The following CRLF1 variants were observed in gnomAD, a reference collection of about 807,000 sequenced individuals.
The protein encoded by CRLF1 is cytokine receptor-like factor 1.
A neutral mutation model predicts 48.9 loss-of-function variants in CRLF1; 36 were observed. That is an observed-to-expected ratio of 0.74 (90% CI 0.56 to 0.97). CRLF1 has a LOEUF of 0.97. Ranked by LOEUF, CRLF1 falls within the 50% of genes least tolerant of loss-of-function variation. The pLI, the probability that CRLF1 is intolerant of heterozygous loss-of-function variation, is 0.00. For missense variants in CRLF1, 534 were observed against 575.1 expected, an observed-to-expected ratio of 0.93 and a Z score of 0.73; for synonymous variants, 256 against 253.4, an observed-to-expected ratio of 1.01 and a Z score of -0.10.
At chr19:18,605,921 C>G (rs12462549) in intron 1 of CRLF1, among the ~76,000 whole-genome samples, 1 of 152,118 alleles carries the variant, frequency 6.6e-6, no homozygotes, top group Non-Finnish European at 1.5e-5. Context: ...GCTCTCCGCC[C>G]GACGCAGCCT....
In CRLF1 at chr19:18,596,781, C is replaced by T. The variant is rs757317728; in HGVS notation, c.865G>A (p.Asp289Asn). The T allele has an allele frequency of 8.7e-6, 14 of 1,613,916 alleles. No individual in the cohort carries two copies. The highest frequency in any genetic ancestry group is 1.2e-5 in the Non-Finnish European group (14 of 1,179,954). Reference protein sequence around the residue: ...EDSVDWKVVDDVSNQTSCRLA... With the variant: ...EDSVDWKVVDNVSNQTSCRLA... ...CGGCAGGAGGTCTGGTTGCTCACATCGTCCACCACCTGGACAGTGAGGACA... is the reference window on the plus strand; with the variant it reads ...CGGCAGGAGGTCTGGTTGCTCACATTGTCCACCACCTGGACAGTGAGGACA... The change falls in exon 6 of 9, where the codon GAT becomes AAT. Residue 289 changes from aspartate (D) to asparagine (N), a missense_variant. By Grantham distance (23) the Asp-to-Asn change is conservative (BLOSUM62 1). This residue lies in a region of CRLF1 where 528 missense variants were observed against 555.7 expected (regional missense o/e 0.95). Transcript: ENST00000392386.
At chr19:18,594,031 C>CCT in intron 8 of CRLF1, 34 bp downstream of exon 8, 7 of 1,299,854 alleles carry the variant, frequency 5.4e-6, no homozygotes, top group East Asian at 2.6e-5. Context: ...CCTCCCCTTG[C>CCT]TCCCTCCCGC....
intron 6 of CRLF1, 151 bp from the exon 7 acceptor site, chr19:18,594,585 C>A: frequency 1.8e-6 from 1 of 542,196 alleles, no homozygotes; most frequent in Non-Finnish European, 2.7e-6. Flanking sequence ...CGCGGCCCTG[C>A]ACAGCAGCCC....
intron 1 of CRLF1, among the ~76,000 whole-genome samples, chr19:18,602,129 C>T (rs1179252059): frequency 2.6e-5 from 4 of 152,204 alleles, no homozygotes; most frequent in Admixed American, 2.6e-4. Flanking sequence ...TGGGGACGCC[C>T]ATGGGTGGTT....
intron 4 of CRLF1, 61 bp downstream of exon 4, chr19:18,598,371 G>C: frequency 6.4e-7 from 1 of 1,556,006 alleles, no homozygotes; most frequent in Non-Finnish European, 8.7e-7. Context: ...GGGACCCCTC[G>C]GGATGCTCGG....
chr19:18,600,800 T>C (rs753672110), intron 1 of CRLF1, among the ~76,000 whole-genome samples: 36 of 151,830 alleles, frequency 2.4e-4, no homozygotes, highest in Non-Finnish European at 3.4e-4. Context: ...CACCCAGGCA[T>C]GCTTTGCTTT....
At chr19:18,604,429 C>T (rs1976262931) in intron 1 of CRLF1, among the ~76,000 whole-genome samples, 1 of 152,216 alleles carries the variant, frequency 6.6e-6, no homozygotes. Context: ...AATTGACTTC[C>T]CCTCTCCAGT....
chr19:18,594,568 T>C, intron 6 of CRLF1, 134 bp from the exon 7 acceptor site: 1 of 631,478 alleles, frequency 1.6e-6, no homozygotes. Flanking sequence ...AAGGACCGAG[T>C]CCTCCCCGCG....
intron 1 of CRLF1, among the ~76,000 whole-genome samples, chr19:18,602,783 CT>C (rs796747894): frequency 1.6e-3 from 238 of 145,690 alleles, no homozygotes; most frequent in Middle Eastern, 3.5e-3. Flanking sequence ...CAGTGTTCTA[CT>C]TTTTTTTTTT....
chr19:18,596,712 G>C lies in CRLF1; in HGVS notation c.934C>G (p.Arg312Gly). ...KPGTVYFVQVRCNPFGIYGSK... is the reference protein window; with the variant it reads ...KPGTVYFVQVGCNPFGIYGSK... ...CCATAGATGCCAAAGGGGTTGCAGC[G>C]CACTTGCACGAAGTACACGGTGCCG... is the stretch of plus-strand genomic sequence containing the variant. Residue 312 changes from arginine to glycine, a missense_variant, in exon 6 of 9, where the codon CGC becomes GGC. Physicochemically the swap from Arg to Gly is moderately radical, Grantham distance 125 (BLOSUM62 -2). Coordinates refer to ENST00000392386, the MANE Select transcript of CRLF1 (RefSeq NM_004750.5). The C allele has an allele frequency of 1.2e-6, 2 of 1,614,100 alleles. No individual in the cohort carries two copies. Among genetic ancestry groups the C allele is most frequent in the Non-Finnish European group, 1.7e-6 (2 of 1,180,012 alleles).
At chr19:18,594,494 G>T in intron 6 of CRLF1, 60 bp from the exon 7 acceptor site, 1 of 1,245,380 alleles carries the variant, frequency 8.0e-7, no homozygotes, top group Non-Finnish European at 1.0e-6. Flanking sequence ...GCGCGGGCAG[G>T]AGAGGGGAGA....
chr19:18,603,738 T>C (rs1021613520), intron 1 of CRLF1, among the ~76,000 whole-genome samples: 1 of 152,102 alleles, frequency 6.6e-6, no homozygotes, highest in Non-Finnish European at 1.5e-5. Flanking sequence ...CCCTGATGAT[T>C]TTCCGGGGCA....
Position 18,596,951 on chromosome 19 carries a change from A to G in CRLF1, c.796T>C (p.Phe266Leu). 3.1e-6 allele frequency: 5 copies of G among 1,613,930 alleles called. No homozygotes were observed. Among genetic ancestry groups the G allele is most frequent in the Non-Finnish European group, 4.2e-6 (5 of 1,179,986 alleles). The change falls in exon 5 of 9, where the codon TTC (phenylalanine) becomes CTC (leucine). Residue 266 changes from phenylalanine (F) to leucine (L), a missense_variant. By Grantham distance (22) the Phe-to-Leu change is conservative. This residue lies in a region of CRLF1 where 528 missense variants were observed against 555.7 expected (regional missense o/e 0.95). Transcript: ENST00000392386. ...ATCTGGTATTTGGCTTGAAAGAGGA[A>G]ATCCTTGAGGGCGGGTGGCGACACC... is the stretch of plus-strand genomic sequence containing the variant. The part of the protein sequence containing the change: ...RWVSPPALKD[F>L]LFQAKYQIRY...
intron 8 of CRLF1, 33 bp downstream of exon 8, chr19:18,594,032 T>TGGGGCCCCCCCCCCC: frequency 1.0e-5 from 7 of 695,810 alleles, no homozygotes; most frequent in Non-Finnish European, 1.5e-5. Flanking sequence ...CTCCCCTTGC[T>TGGGGCCCCCCCCCCC]CCCTCCCGCC....
rs201303929 is a variant in CRLF1 at position 18,598,928 on chromosome 19, C to T, written c.398-27G>A. 5.0e-6 allele frequency: 8 copies of T among 1,612,848 alleles called. No homozygotes were observed. In the East Asian group the frequency reaches 1.8e-4, roughly 36 times the overall value. ...TGGGAGAAGGGGAGGGTGCAGGAAGCAGGCTGAGGGTCTGGACTAGCTGAG... is the reference window on the plus strand; with the variant it reads ...TGGGAGAAGGGGAGGGTGCAGGAAGTAGGCTGAGGGTCTGGACTAGCTGAG... On this transcript the variant is annotated intron_variant, in intron 2 of 8. Coordinates refer to ENST00000392386, the MANE Select transcript of CRLF1 (RefSeq NM_004750.5).
intron 6 of CRLF1, among the ~76,000 whole-genome samples, chr19:18,596,322 C>T (rs774913964): frequency 2.0e-5 from 3 of 151,968 alleles, no homozygotes; most frequent in Admixed American, 6.6e-5. Context: ...GCAGATCACC[C>T]GAGGTCAGGA....
chr19:18,593,402 C>A lies in CRLF1; in HGVS notation c.*164G>T. The A allele has an allele frequency of 1.0e-6, 1 of 953,996 alleles. No homozygotes were observed. The highest frequency in any genetic ancestry group is 1.6e-5 in the South Asian group (1 of 60,938). The allele number at this position is 953,996 out of a possible 1,614,324, so 59.1% of individuals were successfully genotyped here. On this transcript the variant is annotated 3_prime_UTR_variant, in exon 9 of 9. Transcript: ENST00000392386. ...ACTGGGGTGCACCCAAAGGTGGCCT[C>A]ACGTGGGAGTCAGAGCTGTTATGGC...
intron 1 of CRLF1, among the ~76,000 whole-genome samples, chr19:18,600,418 G>C (rs1976206157): frequency 6.6e-6 from 1 of 151,852 alleles, no homozygotes. Context: ...GCCCAGGCTG[G>C]AGTGCAGTGG....
chr19:18,596,493 T>A, intron 6 of CRLF1, 129 bp downstream of exon 6: 2 of 1,176,858 alleles, frequency 1.7e-6, no homozygotes, highest in Middle Eastern at 2.3e-4. Flanking sequence ...TGAGTGCAGA[T>A]CACACCACTA....
Sources: allele counts gnomAD v4.1 joint callset (sites outside exome capture counted in the v4.1 genomes callset), GRCh38; gene constraint gnomAD v4.1.1; regional missense constraint gnomAD v4.1.1; transcripts MANE v1.5; gene names NCBI Gene and HGNC (gene_info 2026-07-23, HGNC 2026-07-21).